Variants in NUBPL observed in about 807,000 individuals in gnomAD.
NUBPL encodes the protein NUBP iron-sulfur cluster assembly factor, mitochondrial.
A neutral mutation model predicts 45.7 loss-of-function variants in NUBPL; 31 were observed. The ratio of observed to expected loss-of-function variants is 0.68; its 90% CI spans 0.51 to 0.92. NUBPL has a LOEUF of 0.92. Among genes scored for constraint, NUBPL ranks in the 40% least tolerant of loss-of-function variants. The pLI, the probability that NUBPL is intolerant of heterozygous loss-of-function variation, is 0.00. For missense variants in NUBPL, 401 were observed against 398.7 expected (o/e 1.01, Z -0.05); for synonymous variants, 144 against 140.9 (o/e 1.02, Z -0.15).
At chr14:31,582,473 A>G (rs1342247082) in intron 3 of NUBPL, among the ~76,000 whole-genome samples, 1 of 151,924 alleles carries the variant, frequency 6.6e-6, no homozygotes, top group East Asian at 1.9e-4. Flanking sequence ...TTTCAAAAGA[A>G]GGATCAGACC....
intron 3 of NUBPL, among the ~76,000 whole-genome samples, chr14:31,591,761 CAT>C (rs1427164610): frequency 6.6e-6 from 1 of 152,006 alleles, no homozygotes; most frequent in Non-Finnish European, 1.5e-5. Flanking sequence ...TTCTTGAAAT[CAT>C]AGTATGTTAA....
chr14:31,814,867 G>A (rs2039884171), intron 7 of NUBPL, among the ~76,000 whole-genome samples: 1 of 152,112 alleles, frequency 6.6e-6, no homozygotes, highest in African/African-American at 2.4e-5. Context: ...TGTTATTTCT[G>A]AGGCCTCTGT....
At chr14:31,835,621 C>T (rs2040268728) in intron 8 of NUBPL, among the ~76,000 whole-genome samples, 1 of 152,086 alleles carries the variant, frequency 6.6e-6, no homozygotes. Flanking sequence ...GAATGCAGGA[C>T]ATAGAGAAAT....
intron 7 of NUBPL, among the ~76,000 whole-genome samples, chr14:31,810,872 T>G (rs1297085994): frequency 6.6e-6 from 1 of 152,226 alleles, no homozygotes; most frequent in Non-Finnish European, 1.5e-5. Flanking sequence ...CTCCTTCCCT[T>G]ATGAAGCTTA....
chr14:31,635,404 A>G (rs1159976391), intron 4 of NUBPL, among the ~76,000 whole-genome samples: 3 of 151,916 alleles, frequency 2.0e-5, no homozygotes, highest in Non-Finnish European at 2.9e-5. Context: ...AGTTGTAGAT[A>G]TGCGACGTTA....
intron 4 of NUBPL, among the ~76,000 whole-genome samples, chr14:31,646,114 T>C (rs1000524693): frequency 2.0e-5 from 3 of 152,164 alleles, no homozygotes; most frequent in Non-Finnish European, 2.9e-5. Flanking sequence ...AGACTATCTT[T>C]TCTTCATATT....
At chr14:31,644,360 A>T (rs1331961920) in intron 4 of NUBPL, among the ~76,000 whole-genome samples, 1 of 151,654 alleles carries the variant, frequency 6.6e-6, no homozygotes. Context: ...TTCCATTTTC[A>T]GTTGTTTCAG....
intron 6 of NUBPL, among the ~76,000 whole-genome samples, chr14:31,750,932 A>G (rs1197008294): frequency 6.6e-6 from 1 of 152,192 alleles, no homozygotes; most frequent in Admixed American, 6.5e-5. Flanking sequence ...ACTTATAATC[A>G]TGGTGGAAGG....
chr14:31,685,676 T>A (rs564279598), intron 6 of NUBPL, among the ~76,000 whole-genome samples: 14 of 152,260 alleles, frequency 9.2e-5, no homozygotes, highest in African/African-American at 2.9e-4. Context: ...AAAAAGAAGT[T>A]CTTCCAAATT....
In NUBPL at chr14:31,764,916, C is replaced by T. The variant is rs562222651; in HGVS notation, c.514-22864C>T. 7.9e-5 allele frequency among the ~76,000 whole-genome samples: 12 copies of T among 152,216 alleles called. 1 individual carries two copies. In the South Asian group the frequency reaches 2.3e-3, roughly 29 times the overall value. ...TCCAGTTCTTAATCCTATTTCTCAC[C>T]GATATCTTTATCATCTGCTTTGCAA... On this transcript the variant is annotated intron_variant, in intron 6 of 10. Coordinates refer to ENST00000281081, the MANE Select transcript of NUBPL (RefSeq NM_025152.3).
chr14:31,671,333 A>G (rs2036565662), intron 4 of NUBPL, among the ~76,000 whole-genome samples: 2 of 152,334 alleles, frequency 1.3e-5, no homozygotes, highest in Admixed American at 6.5e-5. Context: ...TGCTGCAGTA[A>G]ACATAGGAGT....
chr14:31,584,002 A>G (rs1038739395), intron 3 of NUBPL, among the ~76,000 whole-genome samples: 3 of 152,234 alleles, frequency 2.0e-5, no homozygotes, highest in Non-Finnish European at 4.4e-5. Flanking sequence ...GAAAATTCAC[A>G]AATGTGTTGT....
chr14:31,574,982 A>G (rs1447771130), intron 3 of NUBPL, among the ~76,000 whole-genome samples: 1 of 152,200 alleles, frequency 6.6e-6, no homozygotes, highest in Non-Finnish European at 1.5e-5. Context: ...TAAAGATGGG[A>G]AAGAAAGCAG....
chr14:31,831,020 G>T (rs1036326034), intron 8 of NUBPL, among the ~76,000 whole-genome samples: 1 of 151,564 alleles, frequency 6.6e-6, no homozygotes, highest in African/African-American at 2.4e-5. Flanking sequence ...TTCTCAGGGA[G>T]AGGTGCCCTA....
intron 6 of NUBPL, among the ~76,000 whole-genome samples, chr14:31,716,646 A>G (rs879753648): frequency 3.3e-4 from 50 of 152,330 alleles, no homozygotes; most frequent in African/African-American, 9.9e-4. Flanking sequence ...AACCTCTGCA[A>G]TTCATCTCTA....
chr14:31,834,437 C>T (rs1390345054), intron 8 of NUBPL, among the ~76,000 whole-genome samples: 1 of 152,068 alleles, frequency 6.6e-6, no homozygotes, highest in African/African-American at 2.4e-5. Context: ...CCTTGGCCTC[C>T]CAAAGTGCTG....
At chr14:31,851,422 A>G (rs943148495) in intron 10 of NUBPL, among the ~76,000 whole-genome samples, 3 of 152,162 alleles carry the variant, frequency 2.0e-5, no homozygotes, top group Non-Finnish European at 4.4e-5. Flanking sequence ...ATCTTGGATG[A>G]GTAAAGTATA....
intron 4 of NUBPL, among the ~76,000 whole-genome samples, chr14:31,633,571 T>G (rs1033915654): frequency 6.6e-6 from 1 of 152,178 alleles, no homozygotes; most frequent in African/African-American, 2.4e-5. Flanking sequence ...CTTCAGTGAT[T>G]TTATTATGCA....
chr14:31,771,464 C>A (rs2039008263), intron 6 of NUBPL, among the ~76,000 whole-genome samples: 1 of 152,056 alleles, frequency 6.6e-6, no homozygotes, highest in African/African-American at 2.4e-5. Context: ...TATAATAAAG[C>A]TCCTATGTTC....
Sources: allele counts gnomAD v4.1 joint callset (sites outside exome capture counted in the v4.1 genomes callset), GRCh38; gene constraint gnomAD v4.1.1; transcripts MANE v1.5; gene names NCBI Gene and HGNC (gene_info 2026-07-23, HGNC 2026-07-21).